PTGIS: variants seen among roughly 807,000 people sequenced by gnomAD.
PTGIS encodes prostacyclin synthase.
PTGIS carries 45 observed loss-of-function variants against 50.3 expected under a neutral mutation model. The observed-to-expected ratio is 0.90, with a 90% CI of 0.70 to 1.15. The LOEUF (loss-of-function observed/expected upper bound fraction) is 1.15. PTGIS is among the 50% of genes most tolerant of loss of function. The pLI is 0.00. For synonymous variants in PTGIS, 260 were observed against 267.7 expected (o/e 0.97, Z 0.28); for missense variants, 668 against 661.3 (o/e 1.01, Z -0.11).
chr20:49,527,426 C>T (rs1194072074), intron 5 of PTGIS, among the ~76,000 whole-genome samples: 1 of 152,154 alleles, frequency 6.6e-6, no homozygotes, highest in African/African-American at 2.4e-5. Flanking sequence ...CACTGCACTC[C>T]AGCCTGGGCG....
intron 2 of PTGIS, among the ~76,000 whole-genome samples, chr20:49,549,843 G>A (rs1183669094): frequency 2.6e-5 from 4 of 152,112 alleles, no homozygotes; most frequent in East Asian, 1.9e-4. Context: ...ATAACTCCAC[G>A]CTGGGAAGAG....
rs192756200 is a variant in PTGIS at position 49,527,179 on chromosome 20, C to T, written c.674-2940G>A. ...GACGCATATGCCAGGCATGGTGGCT[C>T]ACGCCTGCAATCCTAGCACCTTGGG... is the stretch of plus-strand genomic sequence containing the variant. On this transcript the variant is annotated intron_variant, in intron 5 of 9. Coordinates refer to ENST00000244043, the MANE Select transcript of PTGIS (RefSeq NM_000961.4). Among the ~76,000 whole-genome samples the T allele has an allele frequency of 1.9e-3, 291 of 151,622 alleles. 2 individuals are homozygous for T. The highest frequency in any genetic ancestry group is 6.5e-3 in the African/African-American group (269 of 41,304).
chr20:49,508,120 G>C (rs551745822), intron 9 of PTGIS, 56 bp from the exon 10 acceptor site: 3 of 1,600,618 alleles, frequency 1.9e-6, no homozygotes, highest in East Asian at 4.5e-5. Context: ...GGGGGTTATC[G>C]GGAACAAGGC....
chr20:49,552,593 G>A (rs1982539069), intron 1 of PTGIS, among the ~76,000 whole-genome samples: 1 of 149,820 alleles, frequency 6.7e-6, no homozygotes, highest in African/African-American at 2.5e-5. Context: ...CCCAAGAGTT[G>A]TTCCTTTAGT....
At chr20:49,515,115 T>C (rs1262357382) in intron 6 of PTGIS, among the ~76,000 whole-genome samples, 2 of 152,248 alleles carry the variant, frequency 1.3e-5, no homozygotes, top group Non-Finnish European at 2.9e-5. Flanking sequence ...ACTGGTGTGA[T>C]ATCTAAAGAT....
intron 2 of PTGIS, among the ~76,000 whole-genome samples, 199 bp from the exon 3 acceptor site, chr20:49,548,218 G>A (rs114230003): frequency 0.01 from 1,536 of 152,322 alleles, 32 homozygotes; most frequent in African/African-American, 0.035. Flanking sequence ...AAAAAGTGAG[G>A]CTTAGAAAGG....
chr20:49,552,218 G>C (rs1982527819), intron 1 of PTGIS, among the ~76,000 whole-genome samples: 1 of 152,094 alleles, frequency 6.6e-6, no homozygotes, highest in African/African-American at 2.4e-5. Flanking sequence ...GTTTAAGAGA[G>C]GGAGTGGTTA....
intron 9 of PTGIS, among the ~76,000 whole-genome samples, chr20:49,508,910 G>A (rs994061028): frequency 2.6e-5 from 4 of 152,190 alleles, no homozygotes; most frequent in Admixed American, 1.3e-4. Flanking sequence ...GCCCATGTTC[G>A]TAAGGGTCAG....
At chr20:49,522,868 C>CA (rs1229541033) in intron 6 of PTGIS, among the ~76,000 whole-genome samples, 4 of 151,884 alleles carry the variant, frequency 2.6e-5, no homozygotes, top group South Asian at 2.1e-4. Context: ...ACTAAAAATA[C>CA]AAAAAATTAG....
chr20:49,528,382 C>G (rs1017025936), intron 5 of PTGIS, among the ~76,000 whole-genome samples: 1 of 151,820 alleles, frequency 6.6e-6, no homozygotes, highest in African/African-American at 2.4e-5. Flanking sequence ...GAGGCCGAGA[C>G]GGGCAGATCA....
chr20:49,555,402 T>C (rs1275440329), intron 1 of PTGIS, among the ~76,000 whole-genome samples: 1 of 152,254 alleles, frequency 6.6e-6, no homozygotes, highest in Non-Finnish European at 1.5e-5. Context: ...AAACTTTCTA[T>C]ATTTGACAAA....
chr20:49,541,053 A>G (rs1484771616), intron 4 of PTGIS, among the ~76,000 whole-genome samples: 1 of 152,216 alleles, frequency 6.6e-6, no homozygotes, highest in African/African-American at 2.4e-5. Flanking sequence ...CAGAAGTTGT[A>G]AAGGTGCAGC....
chr20:49,545,095 G>A lies in PTGIS; in HGVS notation c.378-647C>T, dbSNP rs576700566. 4.6e-5 allele frequency among the ~76,000 whole-genome samples: 7 copies of A among 152,206 alleles called. No individual in the cohort carries two copies. The South Asian group carries it at 1.5e-3, about 32-fold the overall frequency. On this transcript the variant is annotated intron_variant, in intron 3 of 9. Coordinates refer to ENST00000244043, the MANE Select transcript of PTGIS (RefSeq NM_000961.4). ...AAGACCAGCCTGGGCAACATAGTGAGACTCCATCTCAACAAAAAATAAAAT... is the reference window on the plus strand; with the variant it reads ...AAGACCAGCCTGGGCAACATAGTGAAACTCCATCTCAACAAAAAATAAAAT...
chr20:49,548,729 G>A (rs1982431185), intron 2 of PTGIS, among the ~76,000 whole-genome samples: 2 of 151,826 alleles, frequency 1.3e-5, no homozygotes, highest in Non-Finnish European at 2.9e-5. Flanking sequence ...AAGGAAGGAA[G>A]GGAGGGAGGA....
chr20:49,508,385 C>T lies in PTGIS; in HGVS notation c.1359-321G>A, dbSNP rs553631911. On this transcript the variant is annotated intron_variant, in intron 9 of 9. Transcript: ENST00000244043. Reference sequence around the variant, plus strand: ...CTGCCTGGCAGCCATGCAGGCTTCACATTGAGACGGTGGAGCCGAAAGAGG... The same window carrying T: ...CTGCCTGGCAGCCATGCAGGCTTCATATTGAGACGGTGGAGCCGAAAGAGG... Among the ~76,000 whole-genome samples the T allele has an allele frequency of 4.6e-5, 7 of 152,310 alleles. No homozygotes were observed. The East Asian group carries it at 1.3e-3, about 29-fold the overall frequency.
intron 9 of PTGIS, among the ~76,000 whole-genome samples, chr20:49,509,579 G>A (rs74757346): frequency 3.9e-5 from 6 of 152,144 alleles, no homozygotes; most frequent in South Asian, 4.1e-4. Flanking sequence ...ATTTGCTCAC[G>A]TGCAATTTCA....
chr20:49,512,490 T>C (rs1406789880), intron 8 of PTGIS, among the ~76,000 whole-genome samples: 1 of 152,128 alleles, frequency 6.6e-6, no homozygotes, highest in Non-Finnish European at 1.5e-5. Flanking sequence ...GATGAATACA[T>C]GAATAGACAG....
chr20:49,508,171 G>T, intron 9 of PTGIS, 107 bp from the exon 10 acceptor site: 1 of 1,294,000 alleles, frequency 7.7e-7, no homozygotes, highest in Non-Finnish European at 1.1e-6. Context: ...CTCCAACTTT[G>T]AGTAAAGTGA....
At chr20:49,549,455 C>T (rs774769323) in intron 2 of PTGIS, among the ~76,000 whole-genome samples, 8 of 152,078 alleles carry the variant, frequency 5.3e-5, no homozygotes, top group Admixed American at 1.3e-4. Context: ...AATTCGTGGC[C>T]GGTTGAATCC....
Sources: allele counts gnomAD v4.1 joint callset (sites outside exome capture counted in the v4.1 genomes callset), GRCh38; gene constraint gnomAD v4.1.1; transcripts MANE v1.5; gene names NCBI Gene and HGNC (gene_info 2026-07-23, HGNC 2026-07-21).